KCNJ4: variants seen among roughly 807,000 people sequenced by gnomAD.
KCNJ4 encodes the protein potassium inwardly rectifying channel subfamily J member 4.
KCNJ4 carries 3 observed loss-of-function variants against 25.6 expected under a neutral mutation model. That is an observed-to-expected ratio of 0.12 (90% CI 0.05 to 0.30). The LOEUF (loss-of-function observed/expected upper bound fraction) is 0.30. KCNJ4 is among the 10% of genes least tolerant of loss of function. The probability of loss-of-function intolerance (pLI) is 1.00; values close to 1 mark genes in which losing one functional copy is unlikely to be tolerated. For missense variants in KCNJ4, 286 were observed against 666.8 expected, an observed-to-expected ratio of 0.43 and a Z score of 6.29; for synonymous variants, 257 against 283.9, an observed-to-expected ratio of 0.91 and a Z score of 0.95.
chr22:38,427,734 C>T lies in KCNJ4; in HGVS notation c.399G>A (p.Thr133=), dbSNP rs765500392. ...CGCACCGGAACCCATAGCCGATGGTCGTCTGCGTCTCCACCGAGAACAGGA... is the reference window on the plus strand; with the variant it reads ...CGCACCGGAACCCATAGCCGATGGTTGTCTGCGTCTCCACCGAGAACAGGA... ...GAFLFSVETQ[T]TIGYGFRCVT... The change falls in exon 2 of 2, where the codon ACG becomes ACA. Residue 133 remains threonine (T), a synonymous_variant. Coordinates refer to ENST00000303592, the MANE Select transcript of KCNJ4 (RefSeq NM_152868.3). 6.9e-6 allele frequency: 11 copies of T among 1,595,740 alleles called. No homozygotes were observed. Among genetic ancestry groups the T allele is most frequent in the South Asian group, 5.5e-5 (5 of 90,150 alleles).
rs369436869 is a variant in KCNJ4, at chr22:38,452,641, A to T, written c.-40+2339T>A. 1.6e-4 allele frequency among the ~76,000 whole-genome samples: 25 copies of T among 152,214 alleles called. No individual in the cohort carries two copies. In the South Asian group the frequency reaches 5.2e-3, roughly 32 times the overall value. ...AGAGACGACAGATTGCGTGAGCCAA[A>T]TTTGGCATCCTAGGGGGAGAGGCAT... On this transcript the variant is annotated intron_variant, in intron 1 of 1. Coordinates refer to ENST00000303592, the MANE Select transcript of KCNJ4 (RefSeq NM_152868.3).
At chr22:38,451,078 TA>T (rs1386878140) in intron 1 of KCNJ4, among the ~76,000 whole-genome samples, 1 of 152,218 alleles carries the variant, frequency 6.6e-6, no homozygotes, top group Non-Finnish European at 1.5e-5. Context: ...CATGGAGAAT[TA>T]AATGGGAATT....
At chr22:38,436,133 C>T (rs2093064806) in intron 1 of KCNJ4, among the ~76,000 whole-genome samples, 1 of 152,230 alleles carries the variant, frequency 6.6e-6, no homozygotes, top group Non-Finnish European at 1.5e-5. Context: ...CTAGTCCCTG[C>T]ATGCCCCATC....
At chr22:38,446,419 G>A (rs1055403960) in intron 1 of KCNJ4, among the ~76,000 whole-genome samples, 3 of 149,938 alleles carry the variant, frequency 2.0e-5, no homozygotes, top group South Asian at 2.1e-4. Flanking sequence ...GCCTCATGGC[G>A]GGGCTGGCAC....
At chr22:38,450,796 G>A (rs1455963674) in intron 1 of KCNJ4, among the ~76,000 whole-genome samples, 1 of 152,196 alleles carries the variant, frequency 6.6e-6, no homozygotes, top group Non-Finnish European at 1.5e-5. Flanking sequence ...TCTGTCTTCA[G>A]AATGGAGCCC....
chr22:38,454,443 C>A (rs541952780), intron 1 of KCNJ4, among the ~76,000 whole-genome samples: 26 of 152,302 alleles, frequency 1.7e-4, no homozygotes, highest in African/African-American at 6.0e-4. Flanking sequence ...CCCTCCCCAG[C>A]CTGTGTCTAT....
intron 1 of KCNJ4, among the ~76,000 whole-genome samples, chr22:38,450,221 G>A (rs971922564): frequency 1.3e-5 from 2 of 152,254 alleles, no homozygotes; most frequent in Middle Eastern, 3.4e-3. Context: ...AGGCTTAAAG[G>A]TTATGCCAAC....
chr22:38,430,373 G>A (rs970166640), intron 1 of KCNJ4, among the ~76,000 whole-genome samples: 5 of 152,186 alleles, frequency 3.3e-5, no homozygotes, highest in Non-Finnish European at 7.3e-5. Flanking sequence ...GCATGGTGGC[G>A]TGTGCCTGTA....
At position 38,426,851 on chromosome 22, in the gene KCNJ4, T is replaced by A. The variant is rs920693170; in HGVS notation, c.1282A>T (p.Met428Leu). The change falls in exon 2 of 2, where the codon ATG becomes TTG. Residue 428 changes from methionine to leucine, a missense_variant. Physicochemically the swap from Met to Leu is conservative, Grantham distance 15. Coordinates refer to ENST00000303592, the MANE Select transcript of KCNJ4 (RefSeq NM_152868.3). ...EFGSHLDLER[M>L]QASLPLDNIS... ...TTGTCCAGCGGGAGGGAAGCCTGCATGCGCTCCAGGTCCAGGTGGCTGCCG... is the reference window on the plus strand; with the variant it reads ...TTGTCCAGCGGGAGGGAAGCCTGCAAGCGCTCCAGGTCCAGGTGGCTGCCG... The A allele has an allele frequency of 6.2e-7, 1 of 1,613,362 alleles. No individual in the cohort carries two copies. The highest frequency in any genetic ancestry group is 1.3e-5 in the African/African-American group (1 of 74,894).
intron 1 of KCNJ4, among the ~76,000 whole-genome samples, chr22:38,438,287 C>T (rs781665992): frequency 2.0e-5 from 3 of 148,810 alleles, no homozygotes; most frequent in Non-Finnish European, 4.4e-5. Flanking sequence ...GTAATCCCAG[C>T]TACTTGGGAG....
At position 38,449,216 on chromosome 22, in the gene KCNJ4, C is replaced by A. The variant is rs2089395757; in HGVS notation, c.-40+5764G>T. 6.6e-6 allele frequency among the ~76,000 whole-genome samples: 1 copy of A among 152,160 alleles called. No individual in the cohort carries two copies. The highest frequency in any genetic ancestry group is 1.5e-5 in the Non-Finnish European group (1 of 68,018). On this transcript the variant is annotated intron_variant, in intron 1 of 1. Coordinates refer to ENST00000303592, the MANE Select transcript of KCNJ4 (RefSeq NM_152868.3). This position sits in a 1 kb window ranked among gnomAD's most constrained non-coding sequence, Gnocchi z 5.2. ...CCTAGGCTGGCAGACATGTACCCAC[C>A]TCCCTTCAGGTGGCCAATGAGGGTC...
intron 1 of KCNJ4, among the ~76,000 whole-genome samples, chr22:38,439,054 T>G (rs543260690): frequency 7.2e-5 from 11 of 152,290 alleles, no homozygotes; most frequent in South Asian, 4.1e-4. Flanking sequence ...AAGACCATGC[T>G]GGGCAACATG....
In KCNJ4 at chr22:38,426,654, C is replaced by T. The variant is rs558601665; in HGVS notation, c.*141G>A. 7 of 1,098,940 alleles carry T rather than the reference C, an allele frequency of 6.4e-6. No homozygotes were observed. Among genetic ancestry groups the T allele is most frequent in the African/African-American group, 6.3e-5 (4 of 63,378 alleles). 68.1% of individuals were successfully genotyped at this position (1,098,940 alleles called of 1,614,324 possible). ...TGCTGGAGTCAGGAGGAAGGGGTCCCCCAGTCTTTGAAACCCCCACCTTCC... is the reference window on the plus strand; with the variant it reads ...TGCTGGAGTCAGGAGGAAGGGGTCCTCCAGTCTTTGAAACCCCCACCTTCC... On this transcript the variant is annotated 3_prime_UTR_variant, in exon 2 of 2. Coordinates refer to ENST00000303592, the MANE Select transcript of KCNJ4 (RefSeq NM_152868.3).
intron 1 of KCNJ4, among the ~76,000 whole-genome samples, chr22:38,453,176 C>T (rs1006881655): frequency 2.0e-5 from 3 of 152,168 alleles, no homozygotes; most frequent in Non-Finnish European, 1.5e-5. Flanking sequence ...CAAATGTCTA[C>T]GAACCTACTA....
chr22:38,437,032 G>A (rs1252530460), intron 1 of KCNJ4, among the ~76,000 whole-genome samples: 6 of 152,224 alleles, frequency 3.9e-5, no homozygotes, highest in South Asian at 2.1e-4. Flanking sequence ...GGGCAAGTTG[G>A]AGCCAGGACC....
intron 1 of KCNJ4, among the ~76,000 whole-genome samples, chr22:38,448,242 G>A (rs1271214803): frequency 2.9e-5 from 4 of 138,556 alleles, no homozygotes; most frequent in Admixed American, 1.5e-4. Context: ...GCGAAACTCC[G>A]TCTTAAAAAA....
chr22:38,448,556 G>C (rs917015829), intron 1 of KCNJ4, among the ~76,000 whole-genome samples: 39 of 152,162 alleles, frequency 2.6e-4, no homozygotes, highest in African/African-American at 9.4e-4. Flanking sequence ...TTTCTGGGGA[G>C]AAGGAGCTTA....
intron 1 of KCNJ4, among the ~76,000 whole-genome samples, chr22:38,438,994 C>T (rs1017107043): frequency 1.3e-5 from 2 of 152,238 alleles, no homozygotes; most frequent in African/African-American, 4.8e-5. Context: ...ACCCATAGTC[C>T]CAGCACGTTG....
In KCNJ4 at chr22:38,448,480, G is replaced by A. The variant is rs183609259; in HGVS notation, c.-40+6500C>T. On this transcript the variant is annotated intron_variant, in intron 1 of 1. Transcript: ENST00000303592. ...TGGGATTCGATCCCAGGCCCCTGACGCAGGCCACCCTTCCTACTGCTGTGA... is the reference window on the plus strand; with the variant it reads ...TGGGATTCGATCCCAGGCCCCTGACACAGGCCACCCTTCCTACTGCTGTGA... Among the ~76,000 whole-genome samples the A allele has an allele frequency of 1.3e-4, 20 of 152,250 alleles. No homozygotes were observed. In the East Asian group the frequency reaches 3.5e-3, roughly 27 times the overall value.
Sources: allele counts gnomAD v4.1 joint callset (sites outside exome capture counted in the v4.1 genomes callset), GRCh38; gene constraint gnomAD v4.1.1; non-coding constraint Gnocchi (gnomAD v3.1); transcripts MANE v1.5; gene names NCBI Gene and HGNC (gene_info 2026-07-23, HGNC 2026-07-21).